The following TWSG1 variants were observed in gnomAD, a reference collection of about 807,000 sequenced individuals.
TWSG1 encodes the protein twisted gastrulation BMP signaling modulator 1.
Under a neutral mutation model 23.0 loss-of-function variants are expected in TWSG1, and 15 were observed. The ratio of observed to expected loss-of-function variants is 0.65; its 90% confidence interval spans 0.44 to 1.00. TWSG1 has a LOEUF of 1.00. Ranked by LOEUF, TWSG1 falls within the 50% of genes least tolerant of loss-of-function variation. TWSG1 has a pLI of 0.00. For missense variants in TWSG1, 242 were observed against 278.7 expected, an observed-to-expected ratio of 0.87 and a Z score of 0.94; for synonymous variants, 86 against 92.8, an observed-to-expected ratio of 0.93 and a Z score of 0.42.
intron 2 of TWSG1, among the ~76,000 whole-genome samples, chr18:9,352,076 G>C (rs2040504723): frequency 6.6e-6 from 1 of 152,024 alleles, no homozygotes; most frequent in Non-Finnish European, 1.5e-5. Flanking sequence ...TTTGTAGCTG[G>C]ACCTAGCTTT....
Position 9,401,039 on chromosome 18 carries a change from A to AT in TWSG1, c.*1515dup, listed in dbSNP as rs1259656441. ...CTGAATAGTAGTTAGTTAAAAGATC[A>AT]TTTGTAATATTATGATCAACTGTTA... On this transcript the variant is annotated 3_prime_UTR_variant, in exon 5 of 5. Coordinates refer to ENST00000262120, the MANE Select transcript of TWSG1 (RefSeq NM_020648.6). 1 of 152,218 alleles carries AT rather than the reference A, an allele frequency of 6.6e-6. No individual in the cohort carries two copies. 9.4% of individuals were successfully genotyped at this position (152,218 alleles called of 1,614,324 possible).
At chr18:9,370,976 C>T (rs2040602426) in intron 3 of TWSG1, among the ~76,000 whole-genome samples, 1 of 151,852 alleles carries the variant, frequency 6.6e-6, no homozygotes, top group Non-Finnish European at 1.5e-5. Flanking sequence ...ATAATGATCA[C>T]TTAACTCTAA....
intron 2 of TWSG1, among the ~76,000 whole-genome samples, chr18:9,341,634 GCCCTGCCACA>G (rs2040446667): frequency 6.6e-6 from 1 of 151,796 alleles, no homozygotes; most frequent in Non-Finnish European, 1.5e-5. Context: ...TCCCACTCCT[GCCCTGCCACA>G]CTTGTATCAC....
intron 3 of TWSG1, among the ~76,000 whole-genome samples, chr18:9,389,395 TAGAA>T (rs750292310): frequency 1.3e-5 from 2 of 152,184 alleles, no homozygotes; most frequent in Admixed American, 6.6e-5. Context: ...ATATAGTTAT[TAGAA>T]AGAGTAGTAG....
intron 3 of TWSG1, among the ~76,000 whole-genome samples, chr18:9,363,159 T>A (rs924197767): frequency 6.6e-6 from 1 of 152,172 alleles, no homozygotes; most frequent in African/African-American, 2.4e-5. Context: ...GCACATACTT[T>A]CTCTAGGAAA....
chr18:9,380,974 C>G (rs1257093247), intron 3 of TWSG1, among the ~76,000 whole-genome samples: 1 of 152,128 alleles, frequency 6.6e-6, no homozygotes, highest in Non-Finnish European at 1.5e-5. Context: ...TTGTTTCTTT[C>G]TTTTGTAATC....
At position 9,401,296 on chromosome 18, in the gene TWSG1, T is replaced by C. The variant is rs1319895951; in HGVS notation, c.*1769T>C. On this transcript the variant is annotated 3_prime_UTR_variant, in exon 5 of 5. Transcript: ENST00000262120. ...TGTAGAGCTGAAAGTATTCTGGAAC[T>C]TTAGACAGAAAGCTGAAAGGAATCT... The C allele has an allele frequency of 6.6e-6, 1 of 152,076 alleles. No homozygotes were observed. Among genetic ancestry groups the C allele is most frequent in the Non-Finnish European group, 1.5e-5 (1 of 68,024 alleles). The allele number at this position is 152,076 out of a possible 1,614,324, so 9.4% of individuals were successfully genotyped here. A position where few individuals can be genotyped will look rare whatever the true frequency, so the allele number is the denominator to read the frequency against.
intron 3 of TWSG1, among the ~76,000 whole-genome samples, chr18:9,380,288 A>C (rs73383418): frequency 0.042 from 6,337 of 152,236 alleles, 438 homozygotes; most frequent in African/African-American, 0.15. Context: ...ACACATGAGG[A>C]AACTGTGGCC....
chr18:9,336,440 A>C (rs959041184), intron 1 of TWSG1, among the ~76,000 whole-genome samples: 1 of 151,880 alleles, frequency 6.6e-6, no homozygotes, highest in Non-Finnish European at 1.5e-5. Context: ...AATTACCTAG[A>C]GTTTTTAATG....
chr18:9,401,784 A>G lies in TWSG1; in HGVS notation c.*2257A>G, dbSNP rs576552379. ...AGCCTGGTTAAAAGTTAGATCCTCTATTACCATTCTAAGCACATTCACTTC... is the reference window on the plus strand; with the variant it reads ...AGCCTGGTTAAAAGTTAGATCCTCTGTTACCATTCTAAGCACATTCACTTC... On this transcript the variant is annotated 3_prime_UTR_variant, in exon 5 of 5. Coordinates refer to ENST00000262120, the MANE Select transcript of TWSG1 (RefSeq NM_020648.6). The G allele has an allele frequency of 6.6e-5, 10 of 152,294 alleles. No homozygotes were observed. The South Asian group carries it at 1.9e-3, about 28-fold the overall frequency. The allele number at this position is 152,294 out of a possible 1,614,324, so 9.4% of individuals were successfully genotyped here. A position where few individuals can be genotyped will look rare whatever the true frequency, so the allele number is the denominator to read the frequency against.
In TWSG1 at chr18:9,381,246, A is replaced by G. The variant is rs1241067887; in HGVS notation, c.224-15034A>G. On this transcript the variant is annotated intron_variant, in intron 3 of 4. Coordinates refer to ENST00000262120, the MANE Select transcript of TWSG1 (RefSeq NM_020648.6). ...CACATTTTGCCGTAGCGATATAGCT[A>G]CTATGGCTAGTCTCCTGCCATCTGT... Among the ~76,000 whole-genome samples the G allele has an allele frequency of 2.6e-5, 4 of 152,222 alleles. 1 individual carries two copies. The highest frequency in any genetic ancestry group is 2.0e-4 in the Admixed American group (3 of 15,282).
intron 2 of TWSG1, among the ~76,000 whole-genome samples, chr18:9,339,901 A>AG (rs2040438647): frequency 6.6e-6 from 1 of 152,366 alleles, no homozygotes; most frequent in Admixed American, 6.5e-5. Context: ...CACCTAACTC[A>AG]AATGGTGATT....
intron 3 of TWSG1, among the ~76,000 whole-genome samples, chr18:9,383,511 G>T (rs1440727327): frequency 2.6e-5 from 4 of 152,092 alleles, no homozygotes; most frequent in Non-Finnish European, 4.4e-5. Flanking sequence ...ACTTTTAAAT[G>T]ATCATTCTGA....
rs370422971 is a variant in TWSG1 at position 9,396,525 on chromosome 18, G to A, written c.469G>A (p.Ala157Thr). 185 of 1,612,628 alleles carry A rather than the reference G, an allele frequency of 1.1e-4. No homozygotes were observed. Among genetic ancestry groups the A allele is most frequent in the Non-Finnish European group, 1.4e-4 (166 of 1,179,992 alleles). Residue 157 changes from alanine (A) to threonine (T), a missense_variant, in exon 4 of 5, where the codon GCG (alanine) becomes ACG (threonine). Transcript: ENST00000262120. ...NVSVPSNNVH[A>T]PYSSDKEHMC... ...GTCTGTCCCCAGCAATAATGTTCAC[G>A]CGCCTTATTCCAGTGACAAAGGTAA...
At chr18:9,344,517 G>GTGTGTGTGTGTGTGTGTA (rs1555650744) in intron 2 of TWSG1, among the ~76,000 whole-genome samples, 1,892 of 105,624 alleles carry the variant, frequency 0.018, 23 homozygotes, top group Non-Finnish European at 0.024. Flanking sequence ...GTGTGTGTGT[G>GTGTGTGTGTGTGTGTGTA]TGTGTATGTA....
chr18:9,360,149 A>AACTAC, intron 3 of TWSG1, 78 bp downstream of exon 3: 1 of 1,175,282 alleles, frequency 8.5e-7, no homozygotes, highest in Non-Finnish European at 1.3e-6. Flanking sequence ...AAGGAATATA[A>AACTAC]ATGTAGTTTA....
intron 3 of TWSG1, among the ~76,000 whole-genome samples, chr18:9,395,791 T>A (rs2040731930): frequency 6.6e-6 from 1 of 152,214 alleles, no homozygotes; most frequent in Non-Finnish European, 1.5e-5. Context: ...GGTATCAAAC[T>A]CCTGGGCTGA....
At chr18:9,390,780 G>A (rs1445229415) in intron 3 of TWSG1, among the ~76,000 whole-genome samples, 1 of 152,182 alleles carries the variant, frequency 6.6e-6, no homozygotes, top group African/African-American at 2.4e-5. Context: ...GGAAATCTGA[G>A]ACAGAAGGAT....
At chr18:9,397,842 T>C (rs1216181760) in intron 4 of TWSG1, among the ~76,000 whole-genome samples, 3 of 151,770 alleles carry the variant, frequency 2.0e-5, no homozygotes, top group Admixed American at 2.0e-4. Context: ...TCGTCTCTAC[T>C]AGAAATACAA....
Sources: allele counts gnomAD v4.1 joint callset (sites outside exome capture counted in the v4.1 genomes callset), GRCh38; gene constraint gnomAD v4.1.1; transcripts MANE v1.5; gene names NCBI Gene and HGNC (gene_info 2026-07-23, HGNC 2026-07-21).